Variants in MYOM2 observed in about 807,000 individuals in gnomAD.
The protein encoded by MYOM2 is myomesin 2.
A neutral mutation model predicts 187.6 loss-of-function variants in MYOM2; 254 were observed. The observed-to-expected ratio is 1.35, with a 90% CI of 1.22 to 1.50. The LOEUF (loss-of-function observed/expected upper bound fraction) is 1.50. MYOM2 is among the 40% of genes most tolerant of loss of function. The pLI, the probability that MYOM2 is intolerant of heterozygous loss-of-function variation, is 0.00. For synonymous variants in MYOM2, 981 were observed against 753.8 expected (o/e 1.30, Z -4.94); for missense variants, 2,796 against 1,924.0 (o/e 1.45, Z -8.48).
In MYOM2 at chr8:2,145,071, G is replaced by A. The variant is rs535916446; in HGVS notation, c.*90G>A. On this transcript the variant is annotated 3_prime_UTR_variant, in exon 37 of 37. Transcript: ENST00000262113. ...TTCCAAATGAGCAGCTGGCATCCGA[G>A]TGGTGTCCTGTGTGGGCTGATAGTT... The A allele has an allele frequency of 6.4e-6, 9 of 1,409,034 alleles. No individual in the cohort carries two copies. The highest frequency in any genetic ancestry group is 1.2e-5 in the South Asian group (1 of 80,182). 87.3% of individuals were successfully genotyped at this position (1,409,034 alleles called of 1,614,324 possible).
At chr8:2,087,048 C>T (rs1206290649) in intron 14 of MYOM2, among the ~76,000 whole-genome samples, 4 of 152,130 alleles carry the variant, frequency 2.6e-5, no homozygotes, top group Non-Finnish European at 5.9e-5. Context: ...GATAATCTCA[C>T]CCAGCACACA....
intron 3 of MYOM2, among the ~76,000 whole-genome samples, chr8:2,056,157 C>T (rs970540168): frequency 2.6e-5 from 4 of 152,122 alleles, no homozygotes; most frequent in Admixed American, 6.5e-5. Flanking sequence ...ATCATAAAGG[C>T]CCTAAGAGAA....
chr8:2,129,875 T>A (rs1472928123), intron 32 of MYOM2, among the ~76,000 whole-genome samples: 1 of 151,092 alleles, frequency 6.6e-6, no homozygotes, highest in Non-Finnish European at 1.5e-5. Flanking sequence ...AATCGAGGAG[T>A]CCCCAAAACA....
chr8:2,056,950 T>C (rs747435128), intron 3 of MYOM2, among the ~76,000 whole-genome samples: 5 of 152,202 alleles, frequency 3.3e-5, no homozygotes, highest in Non-Finnish European at 7.3e-5. Context: ...TCTCTGTTTT[T>C]AAGAGCCTCA....
Position 2,087,413 on chromosome 8 carries a change from T to C in MYOM2, c.1644+2023T>C, listed in dbSNP as rs182913432. On this transcript the variant is annotated intron_variant, in intron 14 of 36. Transcript: ENST00000262113. ...CTCTGGTTATTTGCAATGTATGCTA[T>C]CTGGGGGGTAGAAACTAGAAATATT... is the stretch of plus-strand genomic sequence containing the variant. Among the ~76,000 whole-genome samples the C allele has an allele frequency of 5.9e-5, 9 of 152,278 alleles. 1 individual carries two copies. Among genetic ancestry groups the C allele is most frequent in the Non-Finnish European group, 1.2e-4 (8 of 68,022 alleles).
In MYOM2 at chr8:2,052,157, G is replaced by A; in HGVS notation, c.108-1G>A. On this transcript the variant is annotated splice_acceptor_variant, in intron 2 of 36. Transcript: ENST00000262113. LOFTEE classifies it high-confidence loss of function. ...TCCTAATCGTGTCCATGTTCCTGAA[G>A]GCGAGCTTCCACCCAGGCATCTTCC... 6.2e-7 allele frequency: 1 copy of A among 1,613,158 alleles called. No homozygotes were observed. The highest frequency in any genetic ancestry group is 8.5e-7 in the Non-Finnish European group (1 of 1,179,630).
At chr8:2,121,810 T>A (rs991385822) in intron 28 of MYOM2, among the ~76,000 whole-genome samples, 1 of 152,206 alleles carries the variant, frequency 6.6e-6, no homozygotes, top group African/African-American at 2.4e-5. Context: ...CGCTGACTCT[T>A]AGGAAGTGTG....
chr8:2,054,746 C>T (rs74723781), intron 3 of MYOM2, among the ~76,000 whole-genome samples: 1 of 152,200 alleles, frequency 6.6e-6, no homozygotes, highest in African/African-American at 2.4e-5. Context: ...TGGCGCAGAC[C>T]AAGCTTTGTC....
At chr8:2,096,049 T>C (rs1796470908) in intron 17 of MYOM2, among the ~76,000 whole-genome samples, 198 bp from the exon 18 acceptor site, 2 of 152,192 alleles carry the variant, frequency 1.3e-5, no homozygotes, top group Non-Finnish European at 2.9e-5. Flanking sequence ...AATTTTTATT[T>C]ATTTTTGTAC....
intron 31 of MYOM2, among the ~76,000 whole-genome samples, chr8:2,126,408 CG>C (rs1226833089): frequency 6.7e-6 from 1 of 149,278 alleles, no homozygotes; most frequent in Non-Finnish European, 1.5e-5. Context: ...CACACACACA[CG>C]ATTTCCCACT....
In MYOM2 at chr8:2,072,466, G is replaced by A. The variant is rs202099833; in HGVS notation, c.915G>A (p.Pro305=). 4.6e-5 allele frequency: 75 copies of A among 1,613,926 alleles called. No individual in the cohort carries two copies. Among genetic ancestry groups the A allele is most frequent in the South Asian group, 6.6e-5 (6 of 91,092 alleles). The change falls in exon 9 of 37, where the codon CCG becomes CCA. Residue 305 remains proline, a synonymous_variant. Coordinates refer to ENST00000262113, the MANE Select transcript of MYOM2 (RefSeq NM_003970.4). ...VTLKCTMLVT[P]DLKRVQPRAE... ...TCAAGTGCACCATGCTGGTGACGCC[G>A]GACCTGAAGCGGGTGCAGCCGCGCG... is the stretch of plus-strand genomic sequence containing the variant.
intron 28 of MYOM2, among the ~76,000 whole-genome samples, chr8:2,118,673 T>G (rs547700345): frequency 6.6e-6 from 1 of 152,066 alleles, no homozygotes; most frequent in East Asian, 1.9e-4. Context: ...AACTGTGCAC[T>G]TAAAAATAAA....
Position 2,078,726 on chromosome 8 carries a change from A to G in MYOM2, c.1263-8A>G. The G allele has an allele frequency of 1.9e-6, 3 of 1,613,818 alleles. No individual in the cohort carries two copies. The highest frequency in any genetic ancestry group is 2.2e-5 in the South Asian group (2 of 91,076). On this transcript the variant is annotated splice_polypyrimidine_tract_variant and splice_region_variant and intron_variant, in intron 11 of 36. Transcript: ENST00000262113. ...ATTCTCTGTTGTTTTTCTTTTTTTA[A>G]CTTGAAGATGTGAAGTAGGAACGAA...
rs191025165 is a variant in MYOM2, at chr8:2,096,433, C to A, written c.2312C>A (p.Thr771Lys). 5.1e-5 allele frequency: 83 copies of A among 1,613,652 alleles called. No individual in the cohort carries two copies. Among genetic ancestry groups the A allele is most frequent in the Non-Finnish European group, 6.6e-5 (78 of 1,179,858 alleles). The change falls in exon 18 of 37, where the codon ACG (threonine) becomes AAG (lysine). Residue 771 changes from threonine (T) to lysine (K), a missense_variant and splice_region_variant. Coordinates refer to ENST00000262113, the MANE Select transcript of MYOM2 (RefSeq NM_003970.4). ...TCACCCAGCAAACCGACAATCCTAA[C>A]GGTCAGTTGGTTTTTATTCCTTCGT... ...NSSPSKPTILTVDGLTEGSLY... is the reference protein window; with the variant it reads ...NSSPSKPTILKVDGLTEGSLY...
intron 32 of MYOM2, among the ~76,000 whole-genome samples, chr8:2,131,475 G>C (rs1357896291): frequency 1.3e-5 from 2 of 151,932 alleles, no homozygotes; most frequent in African/African-American, 4.8e-5. Context: ...TCGGGGCACA[G>C]CTCATGCATC....
chr8:2,061,343 G>A (rs1463543230), intron 6 of MYOM2, among the ~76,000 whole-genome samples: 5 of 152,064 alleles, frequency 3.3e-5, no homozygotes, highest in Non-Finnish European at 7.4e-5. Flanking sequence ...CTGGTGGTTA[G>A]TAAGGGACTA....
chr8:2,096,185 G>T, intron 17 of MYOM2, 62 bp from the exon 18 acceptor site: 1 of 1,532,528 alleles, frequency 6.5e-7, no homozygotes, highest in Non-Finnish European at 8.9e-7. Flanking sequence ...GGAGCTGGCT[G>T]CCCCGGGGAC....
intron 8 of MYOM2, among the ~76,000 whole-genome samples, chr8:2,070,955 A>T (rs1819193613): frequency 6.6e-6 from 1 of 151,726 alleles, no homozygotes; most frequent in South Asian, 2.1e-4. Flanking sequence ...GGCTTTTTAA[A>T]TTTTTTATTT....
chr8:2,099,056 C>T lies in MYOM2; in HGVS notation c.2440+73C>T, dbSNP rs573609217. On this transcript the variant is annotated intron_variant, in intron 19 of 36. Coordinates refer to ENST00000262113, the MANE Select transcript of MYOM2 (RefSeq NM_003970.4). ...TGGGAAGGGGCCTCTGTGGCTGCGA[C>T]TCTGGACTCGCCAGCCTTCACAGCG... 5.4e-6 allele frequency: 8 copies of T among 1,480,536 alleles called. No homozygotes were observed. The African/African-American group carries it at 9.7e-5, about 18-fold the overall frequency. 91.7% of individuals were successfully genotyped at this position (1,480,536 alleles called of 1,614,324 possible).
Sources: gnomAD v4.1 joint callset for allele counts (sites outside exome capture counted in the v4.1 genomes callset) on GRCh38, gnomAD v4.1.1 for gene constraint, MANE v1.5 for transcripts, NCBI Gene and HGNC (gene_info 2026-07-23, HGNC 2026-07-21) for gene names.